Variants in PDE8B observed in about 807,000 individuals in gnomAD.
PDE8B encodes the protein high affinity cAMP-specific and IBMX-insensitive 3',5'-cyclic phosphodiesterase 8B.
In PDE8B, 26 loss-of-function variants were observed where a neutral mutation model predicts 101.3. That is an observed-to-expected ratio of 0.26 (90% CI 0.19 to 0.36). PDE8B has a LOEUF of 0.36. Among genes scored for constraint, PDE8B ranks in the 10% least tolerant of loss-of-function variants. The pLI is 1.00. For missense variants in PDE8B, 810 were observed against 1,163.1 expected, an observed-to-expected ratio of 0.70 and a Z score of 4.42; for synonymous variants, 424 against 429.3, an observed-to-expected ratio of 0.99 and a Z score of 0.15.
chr5:77,240,314 C>T (rs890810962), intron 1 of PDE8B, among the ~76,000 whole-genome samples: 3 of 152,140 alleles, frequency 2.0e-5, no homozygotes, highest in Admixed American at 2.0e-4. Flanking sequence ...CCACCGCGCC[C>T]GGCTACTTTT....
chr5:77,420,450 A>G (rs1796405932), intron 19 of PDE8B, among the ~76,000 whole-genome samples: 1 of 150,542 alleles, frequency 6.6e-6, no homozygotes, highest in Non-Finnish European at 1.5e-5. Flanking sequence ...GAAGGTTCAC[A>G]CCTAATAAGA....
chr5:77,134,929 G>A, the PDE8B span, among the ~76,000 whole-genome samples: 1 of 152,192 alleles, frequency 6.6e-6, no homozygotes, highest in Non-Finnish European at 1.5e-5. Context: ...GAAATGGACT[G>A]TGGCAGTCCT....
chr5:77,269,921 G>C (rs1326821852), intron 1 of PDE8B, among the ~76,000 whole-genome samples: 1 of 152,126 alleles, frequency 6.6e-6, no homozygotes, highest in East Asian at 1.9e-4. Context: ...CTCCAGTTTT[G>C]TTCTTTTTGT....
In PDE8B at chr5:77,349,045, C is replaced by A. The variant is rs543019023; in HGVS notation, c.877-374C>A. ...ACCCAGTCCTAATTTATTTTTATTTCTTTTTTTGTCTGAGTTTTTCCTTAT... is the reference window on the plus strand; with the variant it reads ...ACCCAGTCCTAATTTATTTTTATTTATTTTTTTGTCTGAGTTTTTCCTTAT... On this transcript the variant is annotated intron_variant, in intron 7 of 21. Transcript: ENST00000264917. Among the ~76,000 whole-genome samples, 12 of 152,154 alleles carry A rather than the reference C, an allele frequency of 7.9e-5. No homozygotes were observed. In the South Asian group the frequency reaches 1.2e-3, roughly 16 times the overall value.
At chr5:77,368,562 G>A (rs1784528937) in intron 10 of PDE8B, among the ~76,000 whole-genome samples, 2 of 152,170 alleles carry the variant, frequency 1.3e-5, no homozygotes, top group Non-Finnish European at 2.9e-5. Flanking sequence ...GCGTCACACA[G>A]CCCAGCACTC....
chr5:77,251,329 G>A (rs550375064), intron 1 of PDE8B, among the ~76,000 whole-genome samples: 33 of 152,272 alleles, frequency 2.2e-4, no homozygotes, highest in Non-Finnish European at 4.4e-4. Flanking sequence ...GATGTGTGTA[G>A]GTGTGACTTT....
chr5:77,421,482 A>G (rs146593736), intron 19 of PDE8B, among the ~76,000 whole-genome samples: 196 of 152,268 alleles, frequency 1.3e-3, no homozygotes, highest in African/African-American at 4.4e-3. Flanking sequence ...CTAAGATTAC[A>G]TATCAAATTG....
the PDE8B span, among the ~76,000 whole-genome samples, chr5:77,196,502 A>G: frequency 6.6e-6 from 1 of 152,302 alleles, no homozygotes; most frequent in East Asian, 1.9e-4. Flanking sequence ...TGATTTTTGA[A>G]TGTGAAACTA....
intron 1 of PDE8B, among the ~76,000 whole-genome samples, chr5:77,251,533 G>A (rs1332326480): frequency 6.6e-6 from 1 of 152,150 alleles, no homozygotes; most frequent in Non-Finnish European, 1.5e-5. Flanking sequence ...GGGAATTGTT[G>A]GTTCTCCTGA....
At chr5:77,123,846 A>C in the PDE8B span, among the ~76,000 whole-genome samples, 1 of 152,236 alleles carries the variant, frequency 6.6e-6, no homozygotes, top group Non-Finnish European at 1.5e-5. Context: ...AGTTCTGTGT[A>C]AGCTGTGAGA....
chr5:77,291,249 C>A, intron 1 of PDE8B: 1 of 1,612,420 alleles, frequency 6.2e-7, no homozygotes, highest in South Asian at 1.1e-5. Flanking sequence ...GGCCTACGCA[C>A]AGATCCGAGT....
At chr5:77,239,097 G>A (rs1235755494) in intron 1 of PDE8B, among the ~76,000 whole-genome samples, 1 of 152,132 alleles carries the variant, frequency 6.6e-6, no homozygotes, top group South Asian at 2.1e-4. Context: ...CAATTATCTT[G>A]TCCCATGCAA....
At chr5:77,383,698 T>C (rs1219085402) in intron 10 of PDE8B, among the ~76,000 whole-genome samples, 1 of 152,232 alleles carries the variant, frequency 6.6e-6, no homozygotes, top group Non-Finnish European at 1.5e-5. Flanking sequence ...TTTCTGCATA[T>C]GGCTAGCCAG....
chr5:77,291,269 A>T, intron 1 of PDE8B: 2 of 1,613,098 alleles, frequency 1.2e-6, no homozygotes, highest in South Asian at 1.1e-5. Flanking sequence ...TTGGGAACCC[A>T]TGGGACCCTA....
intron 10 of PDE8B, among the ~76,000 whole-genome samples, chr5:77,357,094 C>G (rs1000676101): frequency 3.3e-5 from 5 of 152,148 alleles, no homozygotes; most frequent in African/African-American, 1.2e-4. Context: ...ATGCAGGGCC[C>G]CTTTCAATCA....
intron 1 of PDE8B, among the ~76,000 whole-genome samples, chr5:77,240,831 T>C (rs1755622374): frequency 6.6e-6 from 1 of 152,248 alleles, no homozygotes; most frequent in African/African-American, 2.4e-5. Flanking sequence ...TAAAATTATT[T>C]TGTCTTTCAA....
chr5:77,178,446 G>A, the PDE8B span, among the ~76,000 whole-genome samples: 8 of 152,064 alleles, frequency 5.3e-5, no homozygotes, highest in East Asian at 1.5e-3. Context: ...TTCTGATTTC[G>A]TTGCTGTTCT....
At chr5:77,225,990 C>T (rs1752319270) in intron 1 of PDE8B, among the ~76,000 whole-genome samples, 1 of 151,976 alleles carries the variant, frequency 6.6e-6, no homozygotes, top group Non-Finnish European at 1.5e-5. Context: ...AGGGTCTGTC[C>T]CACTAGGGGT....
intron 1 of PDE8B, among the ~76,000 whole-genome samples, chr5:77,244,381 A>T (rs1756434583): frequency 6.6e-6 from 1 of 152,156 alleles, no homozygotes; most frequent in South Asian, 2.1e-4. Context: ...CCAAAGTCAC[A>T]GGGTCACGTA....
Sources: gnomAD v4.1 joint callset for allele counts (sites outside exome capture counted in the v4.1 genomes callset) on GRCh38, gnomAD v4.1.1 for gene constraint, MANE v1.5 for transcripts, NCBI Gene and HGNC (gene_info 2026-07-23, HGNC 2026-07-21) for gene names.